The following CTNNA2 variants were observed in gnomAD, a reference collection of about 807,000 sequenced individuals.
CTNNA2 encodes catenin alpha-2.
A neutral mutation model predicts 101.0 loss-of-function variants in CTNNA2; 42 were observed. The observed-to-expected ratio is 0.42, with a 90% CI of 0.32 to 0.54. The LOEUF (loss-of-function observed/expected upper bound fraction) is 0.54. Among genes scored for constraint, CTNNA2 ranks in the 20% least tolerant of loss-of-function variants. The pLI is 0.14. For synonymous variants in CTNNA2, 450 were observed against 456.4 expected (o/e 0.99, Z 0.18); for missense variants, 871 against 1,223.1 (o/e 0.71, Z 4.29).
chr2:79,993,433 T>C (rs1320133324), intron 7 of CTNNA2, among the ~76,000 whole-genome samples: 1 of 152,202 alleles, frequency 6.6e-6, no homozygotes, highest in African/African-American at 2.4e-5. Flanking sequence ...AAACCAAGAA[T>C]GGAAACCTTG....
chr2:80,136,658 G>T (rs1702714981), intron 7 of CTNNA2, among the ~76,000 whole-genome samples: 1 of 152,118 alleles, frequency 6.6e-6, no homozygotes, highest in South Asian at 2.1e-4. Context: ...TTTCTTTGGT[G>T]ACTTTCTTTT....
chr2:79,372,098 C>A (rs1249611116), intron 3 of CTNNA2, among the ~76,000 whole-genome samples: 1 of 152,108 alleles, frequency 6.6e-6, no homozygotes, highest in Admixed American at 6.5e-5. Context: ...ACATCAGGTT[C>A]TCCGGGGTGA....
At chr2:80,256,357 G>A (rs1202206712) in intron 7 of CTNNA2, among the ~76,000 whole-genome samples, 1 of 152,128 alleles carries the variant, frequency 6.6e-6, no homozygotes, top group Non-Finnish European at 1.5e-5. Context: ...GGGTGTGTTA[G>A]TAGCTCCTCT....
intron 4 of CTNNA2, among the ~76,000 whole-genome samples, chr2:79,400,044 G>C (rs1451689681): frequency 6.6e-6 from 1 of 152,038 alleles, no homozygotes; most frequent in Non-Finnish European, 1.5e-5. Context: ...GGAGATATGA[G>C]ACATCAATCA....
chr2:79,201,087 T>C (rs996119229), intron 2 of CTNNA2, among the ~76,000 whole-genome samples: 36 of 149,676 alleles, frequency 2.4e-4, no homozygotes, highest in African/African-American at 5.9e-4. Context: ...ATAAAACATT[T>C]CCCCCCCCCT....
At chr2:79,489,086 A>G (rs1485364211) in intron 4 of CTNNA2, among the ~76,000 whole-genome samples, 1 of 151,878 alleles carries the variant, frequency 6.6e-6, no homozygotes, top group African/African-American at 2.4e-5. Context: ...TATTGCTCCT[A>G]CTGCTTCTAC....
chr2:80,123,079 C>T (rs780857993), intron 7 of CTNNA2, among the ~76,000 whole-genome samples: 1 of 152,116 alleles, frequency 6.6e-6, no homozygotes, highest in African/African-American at 2.4e-5. Flanking sequence ...ATCCAGTCTC[C>T]GGTCATCTTT....
intron 7 of CTNNA2, among the ~76,000 whole-genome samples, chr2:80,271,483 G>A (rs903507302): frequency 4.0e-5 from 6 of 150,532 alleles, no homozygotes; most frequent in Non-Finnish European, 7.4e-5. Flanking sequence ...GTGCAGTGGC[G>A]CGATCTCGGC....
At chr2:79,280,264 C>T (rs1027533192) in intron 2 of CTNNA2, among the ~76,000 whole-genome samples, 9 of 152,064 alleles carry the variant, frequency 5.9e-5, no homozygotes, top group African/African-American at 2.2e-4. Flanking sequence ...AAAGCAGCTC[C>T]TTGAATCCTT....
intron 1 of CTNNA2, among the ~76,000 whole-genome samples, chr2:79,633,350 A>C (rs1201681761): frequency 6.6e-6 from 1 of 152,152 alleles, no homozygotes; most frequent in African/African-American, 2.4e-5. Context: ...GTCCAGGAAA[A>C]CCTTTCCCAG....
chr2:80,467,307 A>G (rs1425547727), intron 9 of CTNNA2, among the ~76,000 whole-genome samples: 1 of 152,200 alleles, frequency 6.6e-6, no homozygotes, highest in East Asian at 1.9e-4. Context: ...ATATGCAGAA[A>G]CTAGTGAAAA....
intron 7 of CTNNA2, among the ~76,000 whole-genome samples, chr2:80,219,292 A>G (rs1210671352): frequency 6.6e-6 from 1 of 152,250 alleles, no homozygotes; most frequent in Non-Finnish European, 1.5e-5. Context: ...GATTCTGCAC[A>G]GTGAGAGGGG....
At chr2:80,558,188 A>G (rs1364432330) in intron 12 of CTNNA2, among the ~76,000 whole-genome samples, 1 of 152,226 alleles carries the variant, frequency 6.6e-6, no homozygotes, top group Non-Finnish European at 1.5e-5. Flanking sequence ...GTGGACTAAG[A>G]GCTAGAATAC....
chr2:79,524,881 T>C (rs1672316341), intron 1 of CTNNA2: 1 of 151,816 alleles, frequency 6.6e-6, no homozygotes, highest in African/African-American at 2.4e-5. Flanking sequence ...CTTGGCACTT[T>C]TATAGATGTT....
At chr2:80,028,695 A>T (rs531883031) in intron 7 of CTNNA2, among the ~76,000 whole-genome samples, 1 of 152,336 alleles carries the variant, frequency 6.6e-6, no homozygotes, top group East Asian at 1.9e-4. Context: ...TGTGTGCCCA[A>T]TGTAATCACA....
intron 1 of CTNNA2, among the ~76,000 whole-genome samples, chr2:79,586,397 C>T (rs936964506): frequency 9.2e-5 from 14 of 152,136 alleles, no homozygotes; most frequent in Admixed American, 2.0e-4. Flanking sequence ...TTTCTCCGCT[C>T]GGCCTCTGGC....
chr2:79,696,701 A>G (rs1307081230), intron 2 of CTNNA2, among the ~76,000 whole-genome samples: 1 of 151,986 alleles, frequency 6.6e-6, no homozygotes, highest in Admixed American at 6.6e-5. Context: ...GCGATAGGGA[A>G]TTGGCAATGA....
intron 2 of CTNNA2, among the ~76,000 whole-genome samples, chr2:79,208,412 G>A (rs1674128094): frequency 6.6e-6 from 1 of 152,176 alleles, no homozygotes; most frequent in African/African-American, 2.4e-5. Context: ...CTAATCATTA[G>A]AACAATTGTT....
intron 7 of CTNNA2, among the ~76,000 whole-genome samples, chr2:80,101,900 G>A (rs1028540935): frequency 1.3e-5 from 2 of 152,174 alleles, no homozygotes; most frequent in African/African-American, 4.8e-5. Flanking sequence ...TCACCCTAGG[G>A]TTCTAGGGGT....
Sources: gnomAD v4.1 joint callset for allele counts (sites outside exome capture counted in the v4.1 genomes callset) on GRCh38, gnomAD v4.1.1 for gene constraint, MANE v1.5 for transcripts, NCBI Gene and HGNC (gene_info 2026-07-23, HGNC 2026-07-21) for gene names.